DCC: variants seen among roughly 807,000 people sequenced by gnomAD.
DCC encodes netrin receptor DCC.
Under a neutral mutation model 172.5 loss-of-function variants are expected in DCC, and 58 were observed. The observed-to-expected ratio is 0.34, with a 90% confidence interval of 0.27 to 0.42. The LOEUF (loss-of-function observed/expected upper bound fraction) is 0.42, where lower values mean the gene tolerates loss of function less well. Among genes scored for constraint, DCC ranks in the 10% least tolerant of loss-of-function variants. DCC has a pLI of 1.00. For missense variants in DCC, 1,740 were observed against 1,791.0 expected (o/e 0.97, Z 0.51); for synonymous variants, 709 against 644.5 (o/e 1.10, Z -1.52).
At chr18:53,414,253 T>G (rs1910165614) in intron 20 of DCC, among the ~76,000 whole-genome samples, 1 of 152,142 alleles carries the variant, frequency 6.6e-6, no homozygotes, top group African/African-American at 2.4e-5. Flanking sequence ...ATAAATAAAT[T>G]CTGCAGCTCT....
intron 2 of DCC, among the ~76,000 whole-genome samples, chr18:52,874,012 C>G (rs1195396968): frequency 1.3e-5 from 2 of 152,098 alleles, no homozygotes; most frequent in Non-Finnish European, 2.9e-5. Flanking sequence ...TTTTCTTTGT[C>G]TTCACGATCA....
intron 2 of DCC, among the ~76,000 whole-genome samples, chr18:52,777,077 A>G (rs1241285021): frequency 1.3e-5 from 2 of 152,160 alleles, no homozygotes; most frequent in Non-Finnish European, 2.9e-5. Context: ...TTTTTAAAAA[A>G]TTACCTTATA....
Position 53,533,920 on chromosome 18 carries a change from TG to T in DCC, c.*3268del, listed in dbSNP as rs2144648196. 6.6e-6 allele frequency: 1 copy of T among 152,370 alleles called. No individual in the cohort carries two copies. Among genetic ancestry groups the T allele is most frequent in the African/African-American group, 2.4e-5 (1 of 41,592 alleles). 9.4% of individuals were successfully genotyped at this position (152,370 alleles called of 1,614,324 possible). A position where few individuals can be genotyped will look rare whatever the true frequency, so the allele number is the denominator to read the frequency against. On this transcript the variant is annotated 3_prime_UTR_variant, in exon 29 of 29. Coordinates refer to ENST00000442544, the MANE Select transcript of DCC (RefSeq NM_005215.4). ...TCCAGCTACACAAGGAGAGCCATCCTGTGCTAGTGTGATGTTTCAGACAACA... is the reference window on the plus strand; with the variant it reads ...TCCAGCTACACAAGGAGAGCCATCCTTGCTAGTGTGATGTTTCAGACAACA...
chr18:53,406,587 C>T (rs1909664354), intron 19 of DCC, among the ~76,000 whole-genome samples: 1 of 151,418 alleles, frequency 6.6e-6, no homozygotes, highest in Non-Finnish European at 1.5e-5. Context: ...GCCTGTAATC[C>T]CAGCTACTGG....
intron 5 of DCC, among the ~76,000 whole-genome samples, chr18:53,029,490 A>G (rs2041999063): frequency 6.6e-6 from 1 of 152,156 alleles, no homozygotes; most frequent in Non-Finnish European, 1.5e-5. Context: ...TACCTTCTCC[A>G]TGATCCCACA....
intron 1 of DCC, among the ~76,000 whole-genome samples, chr18:52,681,597 T>C (rs1018253402): frequency 3.9e-5 from 6 of 152,136 alleles, no homozygotes; most frequent in African/African-American, 1.4e-4. Flanking sequence ...TAGTTCCTTT[T>C]GTCAACGTAT....
chr18:52,714,128 C>A (rs1240280802), intron 1 of DCC, among the ~76,000 whole-genome samples: 1 of 152,180 alleles, frequency 6.6e-6, no homozygotes, highest in Non-Finnish European at 1.5e-5. Flanking sequence ...CGCTAACCTA[C>A]TTACCAGGTG....
chr18:52,577,841 C>T (rs1228366252), intron 1 of DCC, among the ~76,000 whole-genome samples: 2 of 152,128 alleles, frequency 1.3e-5, no homozygotes, highest in East Asian at 3.8e-4. Flanking sequence ...GGAAAGGGAA[C>T]CTTCAAGAGA....
At chr18:52,613,767 T>A (rs1009262494) in intron 1 of DCC, among the ~76,000 whole-genome samples, 1 of 152,132 alleles carries the variant, frequency 6.6e-6, no homozygotes, top group African/African-American at 2.4e-5. Context: ...AGTGGTGAAC[T>A]TTTTTGTCAC....
chr18:52,546,650 C>CAAT (rs1041358343), intron 1 of DCC, among the ~76,000 whole-genome samples: 4 of 143,722 alleles, frequency 2.8e-5, no homozygotes, highest in African/African-American at 7.8e-5. Flanking sequence ...AGAATGTGAT[C>CAAT]AATAATAATA....
At chr18:52,582,399 G>A (rs559164859) in intron 1 of DCC, among the ~76,000 whole-genome samples, 1 of 152,240 alleles carries the variant, frequency 6.6e-6, no homozygotes, top group East Asian at 1.9e-4. Flanking sequence ...AGGCTTAATG[G>A]CATTTAGCAT....
At chr18:52,941,248 G>A (rs1325682470) in intron 5 of DCC, 1 of 151,808 alleles carries the variant, frequency 6.6e-6, no homozygotes, top group Non-Finnish European at 1.5e-5. Context: ...CCTTCTAGAG[G>A]GTTCATGAAC....
At chr18:52,797,252 T>C (rs571800691) in intron 2 of DCC, among the ~76,000 whole-genome samples, 13 of 152,326 alleles carry the variant, frequency 8.5e-5, no homozygotes, top group African/African-American at 2.9e-4. Context: ...GAATTCAAGA[T>C]AAAGTTCCTG....
intron 12 of DCC, among the ~76,000 whole-genome samples, chr18:53,293,274 C>T (rs891930442): frequency 6.6e-6 from 1 of 152,144 alleles, no homozygotes; most frequent in African/African-American, 2.4e-5. Context: ...TTCAGAAATG[C>T]ACACTACACT....
At chr18:52,462,031 G>GT (rs879617085) in intron 1 of DCC, among the ~76,000 whole-genome samples, 5 of 152,022 alleles carry the variant, frequency 3.3e-5, no homozygotes, top group Non-Finnish European at 1.5e-5. Context: ...TGACTCTTCT[G>GT]TTTTTTTCAC....
intron 20 of DCC, 148 bp from the exon 21 acceptor site, chr18:53,415,976 A>G (rs967913508): frequency 1.6e-4 from 109 of 690,382 alleles, no homozygotes; most frequent in Middle Eastern, 1.2e-3. Context: ...AGAAATAAAC[A>G]TGTAAGTTTG....
intron 7 of DCC, among the ~76,000 whole-genome samples, chr18:53,137,138 A>T (rs1350537583): frequency 6.6e-6 from 1 of 152,218 alleles, no homozygotes; most frequent in African/African-American, 2.4e-5. Context: ...AAACTTAGCA[A>T]CTTAACATAA....
intron 1 of DCC, among the ~76,000 whole-genome samples, chr18:52,414,594 A>G (rs1986953995): frequency 6.6e-6 from 1 of 152,146 alleles, no homozygotes; most frequent in African/African-American, 2.4e-5. Context: ...AGAGATGTGC[A>G]TTAACTGCAT....
At chr18:52,667,063 G>A (rs1398023606) in intron 1 of DCC, among the ~76,000 whole-genome samples, 3 of 152,238 alleles carry the variant, frequency 2.0e-5, no homozygotes, top group East Asian at 1.9e-4. Context: ...GGCAAAGGGA[G>A]GGATTACAGT....
Sources: allele counts gnomAD v4.1 joint callset (sites outside exome capture counted in the v4.1 genomes callset), GRCh38; gene constraint gnomAD v4.1.1; transcripts MANE v1.5; gene names NCBI Gene and HGNC (gene_info 2026-07-23, HGNC 2026-07-21).